The following ARIH1 variants were observed in gnomAD, a reference collection of about 807,000 sequenced individuals.
ARIH1 encodes the protein ariadne RBR E3 ubiquitin protein ligase 1, also known as E3 ubiquitin-protein ligase ARIH1.
ARIH1 carries 8 observed loss-of-function variants against 85.0 expected under a neutral mutation model. The observed-to-expected ratio is 0.09, with a 90% CI of 0.06 to 0.17. The LOEUF (loss-of-function observed/expected upper bound fraction) is 0.17. ARIH1 is among the 10% of genes least tolerant of loss of function. The pLI is 1.00. For missense variants in ARIH1, 311 were observed against 718.1 expected (o/e 0.43, Z 6.48); for synonymous variants, 238 against 253.6 (o/e 0.94, Z 0.59).
rs758025894 is a variant in ARIH1 at position 72,592,309 on chromosome 15, C to T, written c.*9017C>T. 8.5e-5 allele frequency: 13 copies of T among 152,150 alleles called. No individual in the cohort carries two copies. Among genetic ancestry groups the T allele is most frequent in the Admixed American group, 4.6e-4 (7 of 15,278 alleles). 9.4% of individuals were successfully genotyped at this position (152,150 alleles called of 1,614,324 possible). Reference sequence around the variant, plus strand: ...AAATTCCATAATCAAGGGCCTGGCCCTGAATAGATTGGAGCCCAAAAATCT... The same window carrying T: ...AAATTCCATAATCAAGGGCCTGGCCTTGAATAGATTGGAGCCCAAAAATCT... On this transcript the variant is annotated 3_prime_UTR_variant, in exon 14 of 14. Transcript: ENST00000379887.
At chr15:72,517,769 T>G (rs370993714) in intron 1 of ARIH1, among the ~76,000 whole-genome samples, 23 of 152,036 alleles carry the variant, frequency 1.5e-4, no homozygotes, top group East Asian at 7.7e-4. Flanking sequence ...TCTGCTGAAA[T>G]TATTTTTTTT....
rs1555490665 is a variant in ARIH1, at chr15:72,591,241, A to AAGAAG, written c.*7950_*7951insGAAGA. Reference sequence around the variant, plus strand: ...TCTCAAAAAAAAAAAAAAAAAAAAAAAAGAAGAAGAAGAAGAAATACAAAA... The same window carrying AAGAAG: ...TCTCAAAAAAAAAAAAAAAAAAAAAAAGAAGAAGAAGAAGAAGAAGAAATACAAAA... On this transcript the variant is annotated 3_prime_UTR_variant, in exon 14 of 14. Transcript: ENST00000379887. 2 of 148,974 alleles carry AAGAAG rather than the reference A, an allele frequency of 1.3e-5. No homozygotes were observed. Among genetic ancestry groups the AAGAAG allele is most frequent in the African/African-American group, 4.9e-5 (2 of 40,652 alleles). The allele number at this position is 148,974 out of a possible 1,614,324, so 9.2% of individuals were successfully genotyped here. A position where few individuals can be genotyped will look rare whatever the true frequency, so the allele number is the denominator to read the frequency against.
At chr15:72,557,396 GTTAT>G (rs1329895534) in intron 5 of ARIH1, among the ~76,000 whole-genome samples, 3 of 152,008 alleles carry the variant, frequency 2.0e-5, no homozygotes, top group East Asian at 1.9e-4. Flanking sequence ...TTTAAATGGG[GTTAT>G]TTGTTTTTTG....
intron 7 of ARIH1, among the ~76,000 whole-genome samples, chr15:72,565,016 A>G (rs1367918121): frequency 6.6e-6 from 1 of 152,162 alleles, no homozygotes; most frequent in Non-Finnish European, 1.5e-5. Context: ...GGTCTTGAGG[A>G]GTAAGAAGCC....
chr15:72,520,811 C>G (rs1185826344), intron 2 of ARIH1, among the ~76,000 whole-genome samples: 1 of 152,022 alleles, frequency 6.6e-6, no homozygotes, highest in African/African-American at 2.4e-5. Flanking sequence ...TTTCCTTGTC[C>G]CTATCAGCTT....
chr15:72,476,641 C>A (rs1184451623), intron 1 of ARIH1, among the ~76,000 whole-genome samples: 1 of 152,112 alleles, frequency 6.6e-6, no homozygotes, highest in South Asian at 2.1e-4. Context: ...GGATTACAGG[C>A]GTCAGCCACC....
chr15:72,515,422 C>T (rs2063970797), intron 1 of ARIH1, among the ~76,000 whole-genome samples: 1 of 152,166 alleles, frequency 6.6e-6, no homozygotes, highest in African/African-American at 2.4e-5. Context: ...ATCTAGGAGT[C>T]AGCATCTGTT....
intron 2 of ARIH1, among the ~76,000 whole-genome samples, chr15:72,533,249 C>A (rs1033249691): frequency 6.6e-6 from 1 of 152,178 alleles, no homozygotes; most frequent in African/African-American, 2.4e-5. Context: ...CCTGTCTCAG[C>A]CTCCCAAGTA....
chr15:72,509,401 A>C (rs2063940618), intron 1 of ARIH1, among the ~76,000 whole-genome samples: 1 of 152,162 alleles, frequency 6.6e-6, no homozygotes, highest in Non-Finnish European at 1.5e-5. Context: ...TGGAGCATAC[A>C]GTTCTCTGAG....
At chr15:72,580,706 C>A in intron 11 of ARIH1, 25 bp from the exon 12 acceptor site, 1 of 1,588,408 alleles carries the variant, frequency 6.3e-7, no homozygotes, top group Admixed American at 1.7e-5. Flanking sequence ...ATAATTATAT[C>A]ACCCAATTTT....
At position 72,594,804 on chromosome 15, in the gene ARIH1, T is replaced by C. The variant is rs546956587; in HGVS notation, c.*11512T>C. 3.0e-5 allele frequency: 4 copies of C among 131,452 alleles called. No individual in the cohort carries two copies. Among genetic ancestry groups the C allele is most frequent in the African/African-American group, 1.1e-4 (4 of 35,340 alleles). 8.1% of individuals were successfully genotyped at this position (131,452 alleles called of 1,614,324 possible). A position where few individuals can be genotyped will look rare whatever the true frequency, so the allele number is the denominator to read the frequency against. On this transcript the variant is annotated 3_prime_UTR_variant, in exon 14 of 14. Transcript: ENST00000379887. ...TTACTTCTTTTTCTGATTTTATGCC[T>C]TTTCTTCTTTTTTTTTTTTTTTTTT...
chr15:72,496,968 C>T (rs1222210749), intron 1 of ARIH1: 2 of 456,498 alleles, frequency 4.4e-6, no homozygotes, highest in African/African-American at 4.2e-5. Context: ...CATCATTTAT[C>T]CTATAAATCT....
chr15:72,482,745 C>CA (rs2063821193), intron 1 of ARIH1, among the ~76,000 whole-genome samples: 2 of 151,736 alleles, frequency 1.3e-5, no homozygotes, highest in African/African-American at 4.8e-5. Context: ...CTGTGAGTCA[C>CA]AATTCTGGAT....
intron 1 of ARIH1, among the ~76,000 whole-genome samples, chr15:72,482,197 T>C (rs1186780491): frequency 6.6e-6 from 1 of 152,242 alleles, no homozygotes; most frequent in African/African-American, 2.4e-5. Flanking sequence ...GAGTTCTTGA[T>C]TTCCCTTCCA....
chr15:72,552,649 G>A (rs1242743048), intron 3 of ARIH1, among the ~76,000 whole-genome samples: 5 of 152,042 alleles, frequency 3.3e-5, no homozygotes, highest in African/African-American at 1.2e-4. Flanking sequence ...GAGAATTTGT[G>A]GTACTGTTAC....
At chr15:72,508,304 T>C (rs1398461821) in intron 1 of ARIH1, among the ~76,000 whole-genome samples, 1 of 152,276 alleles carries the variant, frequency 6.6e-6, no homozygotes, top group Non-Finnish European at 1.5e-5. Flanking sequence ...TTGTTTGGTT[T>C]GTTTATATCC....
intron 2 of ARIH1, among the ~76,000 whole-genome samples, chr15:72,535,789 C>T (rs1390315069): frequency 1.3e-5 from 2 of 149,544 alleles, no homozygotes; most frequent in African/African-American, 4.9e-5. Flanking sequence ...CTTTAATGCA[C>T]GTATTTGGAA....
At position 72,600,769 on chromosome 15, in the gene ARIH1, T is replaced by C. The variant is rs924330490; in HGVS notation, c.*17477T>C. ...TAGTGATTGCAATTTGAGAAACCAA[T>C]GTCCTTTCTTATTGAAAAAGGCCCT... On this transcript the variant is annotated 3_prime_UTR_variant, in exon 14 of 14. Coordinates refer to ENST00000379887, the MANE Select transcript of ARIH1 (RefSeq NM_005744.5). 1 of 152,252 alleles carries C rather than the reference T, an allele frequency of 6.6e-6. No homozygotes were observed. The highest frequency in any genetic ancestry group is 1.5e-5 in the Non-Finnish European group (1 of 68,048). 9.4% of individuals were successfully genotyped at this position (152,252 alleles called of 1,614,324 possible).
Position 72,474,931 on chromosome 15 carries a change from G to T in ARIH1, c.292G>T (p.Asp98Tyr). 6.5e-7 allele frequency: 1 copy of T among 1,535,546 alleles called. No homozygotes were observed. The highest frequency in any genetic ancestry group is 1.4e-5 in the African/African-American group (1 of 71,138). Residue 98 changes from aspartate to tyrosine, a missense_variant, in exon 1 of 14, where the codon GAT (aspartate) becomes TAT (tyrosine). Asp to Tyr is a radical substitution (Grantham distance 160). Around this residue, in one of 3 missense-constraint regions of ARIH1, gnomAD observed 157 missense variants for 185.1 expected, o/e 0.85. Transcript: ENST00000379887. ...GGGPGHEQEE[D>Y]YRYEVLTAEQ... ...CGGGCCGGGGCATGAGCAGGAGGAG[G>T]ATTACCGCTACGAGGTGCTCACGGC...
Sources: gnomAD v4.1 joint callset for allele counts (sites outside exome capture counted in the v4.1 genomes callset) on GRCh38, gnomAD v4.1.1 for gene constraint, gnomAD v4.1.1 regional missense constraint, MANE v1.5 for transcripts, NCBI Gene and HGNC (gene_info 2026-07-23, HGNC 2026-07-21) for gene names.